Variants in SIPA1L2 observed in about 807,000 individuals in gnomAD.
The protein encoded by SIPA1L2 is signal induced proliferation associated 1 like 2.
A neutral mutation model predicts 163.9 loss-of-function variants in SIPA1L2; 56 were observed. That is an observed-to-expected ratio of 0.34 (90% confidence interval 0.28 to 0.43). The LOEUF (loss-of-function observed/expected upper bound fraction) is 0.43. Among genes scored for constraint, SIPA1L2 ranks in the 20% least tolerant of loss-of-function variants. SIPA1L2 has a pLI of 1.00. For synonymous variants in SIPA1L2, 877 were observed against 865.7 expected, an observed-to-expected ratio of 1.01 and a Z score of -0.23; for missense variants, 1,974 against 2,193.5, an observed-to-expected ratio of 0.90 and a Z score of 2.00.
chr1:232,513,830 A>G (rs560303497), intron 3 of SIPA1L2, 27 bp downstream of exon 3: 9 of 1,532,744 alleles, frequency 5.9e-6, no homozygotes, highest in Non-Finnish European at 7.9e-6. Flanking sequence ...CCCGAGACAC[A>G]TGCAAACGCC....
rs575388712 is a variant in SIPA1L2 at position 232,545,455 on chromosome 1, A to T, written c.-270+28719T>A. 4.6e-5 allele frequency among the ~76,000 whole-genome samples: 7 copies of T among 152,348 alleles called. No individual in the cohort carries two copies. In the East Asian group the frequency reaches 9.6e-4, roughly 21 times the overall value. Reference sequence around the variant, plus strand: ...TTGGTTTGTTTTTAATTATGAAAGTAATCTACTTACATTACAAAACTATAG... The same window carrying T: ...TTGGTTTGTTTTTAATTATGAAAGTTATCTACTTACATTACAAAACTATAG... On this transcript the variant is annotated intron_variant, in intron 2 of 22. Coordinates refer to ENST00000674635, the MANE Select transcript of SIPA1L2 (RefSeq NM_020808.5).
At chr1:232,530,460 TG>T (rs987761964) in intron 2 of SIPA1L2, among the ~76,000 whole-genome samples, 2 of 152,164 alleles carry the variant, frequency 1.3e-5, no homozygotes, top group African/African-American at 4.8e-5. Flanking sequence ...ATTTTAGCCA[TG>T]GAGTTTCTCC....
At chr1:232,418,943 C>T (rs889327041) in intron 18 of SIPA1L2, among the ~76,000 whole-genome samples, 2 of 152,152 alleles carry the variant, frequency 1.3e-5, no homozygotes, top group Non-Finnish European at 2.9e-5. Context: ...GTGATGGGGG[C>T]ACAACAGTGG....
chr1:232,567,559 T>TA (rs1291476546), intron 2 of SIPA1L2, among the ~76,000 whole-genome samples: 1 of 151,568 alleles, frequency 6.6e-6, no homozygotes, highest in African/African-American at 2.4e-5. Context: ...CCCTTGCCAA[T>TA]AAAAAAAAAT....
At chr1:232,408,318 G>A (rs1463189789) in intron 19 of SIPA1L2, among the ~76,000 whole-genome samples, 6 of 151,466 alleles carry the variant, frequency 4.0e-5, no homozygotes, top group African/African-American at 2.4e-5. Flanking sequence ...TTTGGGTAGA[G>A]ATATGTTATT....
At chr1:232,584,138 TACTC>T (rs1331927500) in intron 1 of SIPA1L2, among the ~76,000 whole-genome samples, 3 of 151,904 alleles carry the variant, frequency 2.0e-5, no homozygotes, top group African/African-American at 7.3e-5. Context: ...AAGGAGAACA[TACTC>T]AGAGAGGCCA....
chr1:232,505,376 T>C (rs1666680443), intron 3 of SIPA1L2, among the ~76,000 whole-genome samples: 2 of 152,230 alleles, frequency 1.3e-5, no homozygotes, highest in Non-Finnish European at 2.9e-5. Flanking sequence ...TCCAACTTAC[T>C]GTACCAGCAG....
chr1:232,537,863 T>C (rs1377218068), intron 2 of SIPA1L2, among the ~76,000 whole-genome samples: 1 of 152,248 alleles, frequency 6.6e-6, no homozygotes. Flanking sequence ...TTATTGTTCA[T>C]TCATGATCCT....
intron 18 of SIPA1L2, among the ~76,000 whole-genome samples, chr1:232,418,171 A>G (rs887981631): frequency 1.3e-5 from 2 of 152,190 alleles, no homozygotes; most frequent in Non-Finnish European, 1.5e-5. Context: ...TAAGACCACT[A>G]TACAACAAGA....
In SIPA1L2 at chr1:232,439,277, A is replaced by T. The variant is rs201087675; in HGVS notation, c.3862T>A (p.Ser1288Thr). The T allele has an allele frequency of 5.3e-5, 85 of 1,614,084 alleles. 1 individual carries two copies. The East Asian group carries it at 1.9e-3, about 36-fold the overall frequency. Residue 1288 changes from serine (S) to threonine (T), a missense_variant, in exon 15 of 23, where the codon TCC becomes ACC. Ser to Thr is a moderately conservative substitution (Grantham distance 58). Coordinates refer to ENST00000674635, the MANE Select transcript of SIPA1L2 (RefSeq NM_020808.5). ...LGPVHLAGSR[S>T]LIHSRAEQWA... ...TGCTCGGCCCGGCTGTGGATCAGGG[A>T]CCTGCTGCCTGCCAGGTGCACAGGG...
Position 232,465,094 on chromosome 1 carries a change from T to C in SIPA1L2, c.2566A>G (p.Met856Val), listed in dbSNP as rs373376512. Residue 856 changes from methionine to valine, a missense_variant, in exon 9 of 23, where the codon ATG becomes GTG. This residue lies in a region of SIPA1L2 where 1,079 missense variants were observed against 1,150.7 expected (regional missense o/e 0.94). Transcript: ENST00000674635. The surrounding 1 kb of genome is among the most constrained non-coding windows in gnomAD (Gnocchi z 4.1). The stretch of plus-strand genomic sequence containing the variant: ...AAGTCCCGGGCTATCACGTGCCACA[T>C]GATGGCCCCAATGCTAAACAAGTGG... ...DAHLFSIGAIMWHVIARDFGQ... is the reference protein window; with the variant it reads ...DAHLFSIGAIVWHVIARDFGQ... 1.5e-5 allele frequency: 24 copies of C among 1,614,104 alleles called. No homozygotes were observed. Among genetic ancestry groups the C allele is most frequent in the Non-Finnish European group, 1.9e-5 (23 of 1,180,040 alleles).
intron 2 of SIPA1L2, among the ~76,000 whole-genome samples, chr1:232,527,894 G>A (rs925864883): frequency 1.0e-4 from 15 of 150,396 alleles, no homozygotes; most frequent in Admixed American, 7.3e-4. Context: ...ACCATGCCCA[G>A]ATAATTTTTT....
chr1:232,563,964 TG>T, intron 2 of SIPA1L2, among the ~76,000 whole-genome samples: 2 of 122,090 alleles, frequency 1.6e-5, no homozygotes, highest in Admixed American at 1.5e-4. Context: ...TTCGTGTGTG[TG>T]TGTGTGTGTG....
At chr1:232,489,731 A>T (rs1030843422) in intron 5 of SIPA1L2, among the ~76,000 whole-genome samples, 3 of 152,230 alleles carry the variant, frequency 2.0e-5, no homozygotes, top group Admixed American at 2.0e-4. Context: ...ATGCAGAAGA[A>T]TCCTACTTGG....
At chr1:232,589,370 T>C (rs1281227727) in intron 1 of SIPA1L2, among the ~76,000 whole-genome samples, 1 of 152,248 alleles carries the variant, frequency 6.6e-6, no homozygotes, top group East Asian at 1.9e-4. Flanking sequence ...TCACTGGTAC[T>C]TGTATACTCT....
chr1:232,477,627 T>TC (rs1413025615), intron 7 of SIPA1L2, among the ~76,000 whole-genome samples: 1 of 152,122 alleles, frequency 6.6e-6, no homozygotes, highest in Non-Finnish European at 1.5e-5. Context: ...TCCTCCTCTA[T>TC]CCCCCAGTTG....
chr1:232,620,709 G>A (rs1662757756), intron 1 of SIPA1L2, among the ~76,000 whole-genome samples: 1 of 152,242 alleles, frequency 6.6e-6, no homozygotes, highest in Non-Finnish European at 1.5e-5. Context: ...GAGCTATTCT[G>A]ACTGGCAAAC....
chr1:232,559,780 C>G (rs1658926548), intron 2 of SIPA1L2, among the ~76,000 whole-genome samples: 1 of 151,986 alleles, frequency 6.6e-6, no homozygotes, highest in Non-Finnish European at 1.5e-5. Context: ...AACAAAGAAG[C>G]CTTGGTTCAA....
intron 18 of SIPA1L2, among the ~76,000 whole-genome samples, chr1:232,425,301 T>C (rs1464684320): frequency 2.0e-5 from 3 of 152,166 alleles, no homozygotes; most frequent in African/African-American, 2.4e-5. Context: ...TTTTCCTTTA[T>C]AGATATGATA....
Sources: allele counts gnomAD v4.1 joint callset (sites outside exome capture counted in the v4.1 genomes callset), GRCh38; gene constraint gnomAD v4.1.1; regional missense constraint gnomAD v4.1.1; non-coding constraint Gnocchi (gnomAD v3.1); transcripts MANE v1.5; gene names NCBI Gene and HGNC (gene_info 2026-07-23, HGNC 2026-07-21).